The following NUBPL variants were observed in gnomAD, a reference collection of about 807,000 sequenced individuals.
The protein encoded by NUBPL is iron-sulfur cluster transfer protein NUBPL.
In NUBPL, 31 loss-of-function variants were observed where a neutral mutation model predicts 45.7. The ratio of observed to expected loss-of-function variants is 0.68; its 90% CI spans 0.51 to 0.92. The LOEUF is 0.92. NUBPL is among the 40% of genes least tolerant of loss of function. The pLI, the probability that NUBPL is intolerant of heterozygous loss-of-function variation, is 0.00. For synonymous variants in NUBPL, 144 were observed against 140.9 expected (o/e 1.02, Z -0.15); for missense variants, 401 against 398.7 (o/e 1.01, Z -0.05).
At chr14:31,573,639 C>T (rs1209680128) in intron 3 of NUBPL, among the ~76,000 whole-genome samples, 1 of 152,184 alleles carries the variant, frequency 6.6e-6, no homozygotes, top group Non-Finnish European at 1.5e-5. Flanking sequence ...GCTTCTGCCA[C>T]TTAAAGTTTT....
intron 6 of NUBPL, among the ~76,000 whole-genome samples, chr14:31,742,725 C>T (rs934114087): frequency 2.6e-5 from 4 of 151,872 alleles, no homozygotes; most frequent in African/African-American, 7.3e-5. Flanking sequence ...TGCCTCAGCC[C>T]TCCAAGTAGC....
At chr14:31,746,014 A>T (rs761424940) in intron 6 of NUBPL, among the ~76,000 whole-genome samples, 8 of 151,980 alleles carry the variant, frequency 5.3e-5, no homozygotes, top group Admixed American at 1.3e-4. Flanking sequence ...CTCTTAGAAA[A>T]GCTGCCCCTC....
chr14:31,788,005 A>C, intron 7 of NUBPL, 132 bp downstream of exon 7: 1 of 647,036 alleles, frequency 1.5e-6, no homozygotes, highest in Non-Finnish European at 2.8e-6. Context: ...TTTTCATTAG[A>C]GATCAGAAGC....
chr14:31,659,368 G>A (rs961019345), intron 4 of NUBPL, among the ~76,000 whole-genome samples: 1 of 152,140 alleles, frequency 6.6e-6, no homozygotes, highest in African/African-American at 2.4e-5. Flanking sequence ...ATGTTGAAAA[G>A]ATTCTCAGAC....
chr14:31,564,434 A>T (rs939569415), intron 2 of NUBPL, among the ~76,000 whole-genome samples: 2 of 150,992 alleles, frequency 1.3e-5, no homozygotes, highest in Non-Finnish European at 2.9e-5. Flanking sequence ...TCATGCCTGT[A>T]ATGCCAGCAC....
At chr14:31,854,563 T>C (rs2040588260) in intron 10 of NUBPL, among the ~76,000 whole-genome samples, 1 of 152,218 alleles carries the variant, frequency 6.6e-6, no homozygotes, top group Non-Finnish European at 1.5e-5. Flanking sequence ...ATGCTTCCTC[T>C]GTACCAACAA....
At chr14:31,789,195 G>A (rs1397087527) in intron 7 of NUBPL, among the ~76,000 whole-genome samples, 7 of 151,924 alleles carry the variant, frequency 4.6e-5, no homozygotes, top group South Asian at 2.1e-4. Flanking sequence ...GTGTGGTGGC[G>A]GGCACCTGTA....
chr14:31,835,142 G>A (rs1030105743), intron 8 of NUBPL, among the ~76,000 whole-genome samples: 3 of 152,184 alleles, frequency 2.0e-5, no homozygotes, highest in Non-Finnish European at 2.9e-5. Flanking sequence ...CCACGTCCAG[G>A]ATCTAGGAGA....
At chr14:31,756,911 G>A (rs1443275590) in intron 6 of NUBPL, among the ~76,000 whole-genome samples, 9 of 146,950 alleles carry the variant, frequency 6.1e-5, no homozygotes, top group East Asian at 2.0e-4. Context: ...TTAGCATGAA[G>A]GGTTGTTGAA....
At chr14:31,764,263 C>A (rs2038870918) in intron 6 of NUBPL, among the ~76,000 whole-genome samples, 1 of 152,054 alleles carries the variant, frequency 6.6e-6, no homozygotes, top group African/African-American at 2.4e-5. Context: ...TATAATGATG[C>A]TTATGTAAGT....
At chr14:31,816,698 T>C (rs944240649) in intron 7 of NUBPL, among the ~76,000 whole-genome samples, 2 of 152,200 alleles carry the variant, frequency 1.3e-5, no homozygotes, top group African/African-American at 4.8e-5. Flanking sequence ...AACACCACTT[T>C]AGCTGTGTCC....
chr14:31,814,180 A>G (rs1046330064), intron 7 of NUBPL, among the ~76,000 whole-genome samples: 4 of 151,876 alleles, frequency 2.6e-5, no homozygotes, highest in Admixed American at 1.3e-4. Context: ...TTTCTCCACA[A>G]CCTCTCCAGC....
chr14:31,714,711 ACAT>A (rs561096456), intron 6 of NUBPL: 1 of 152,242 alleles, frequency 6.6e-6, no homozygotes, highest in Non-Finnish European at 1.5e-5. Flanking sequence ...ATTGGGAATC[ACAT>A]TTCAGCATGA....
chr14:31,680,519 T>G (rs1378957650), intron 6 of NUBPL, among the ~76,000 whole-genome samples: 1 of 152,122 alleles, frequency 6.6e-6, no homozygotes, highest in African/African-American at 2.4e-5. Context: ...TTTAATTTGG[T>G]TATTTATTCT....
intron 4 of NUBPL, among the ~76,000 whole-genome samples, chr14:31,672,150 T>G (rs530413000): frequency 6.6e-6 from 1 of 152,324 alleles, no homozygotes; most frequent in African/African-American, 2.4e-5. Flanking sequence ...TACAGATTAA[T>G]GCAATTTTTC....
At chr14:31,799,255 A>G (rs1454848781) in intron 7 of NUBPL, among the ~76,000 whole-genome samples, 2 of 152,170 alleles carry the variant, frequency 1.3e-5, no homozygotes, top group African/African-American at 2.4e-5. Flanking sequence ...ATCCTTTTTT[A>G]TAGTGTACAT....
intron 6 of NUBPL, among the ~76,000 whole-genome samples, chr14:31,690,769 T>G (rs2037075093): frequency 6.6e-6 from 1 of 151,736 alleles, no homozygotes; most frequent in African/African-American, 2.4e-5. Flanking sequence ...GGATGAAGGG[T>G]TTCAGATATG....
chr14:31,636,573 T>C (rs972727501), intron 4 of NUBPL, among the ~76,000 whole-genome samples: 2 of 152,090 alleles, frequency 1.3e-5, no homozygotes, highest in African/African-American at 2.4e-5. Context: ...TGTCTCTGCC[T>C]GGCTTTGGTA....
At chr14:31,795,330 C>T (rs1461544019) in intron 7 of NUBPL, among the ~76,000 whole-genome samples, 4 of 122,440 alleles carry the variant, frequency 3.3e-5, no homozygotes, top group Non-Finnish European at 5.0e-5. Context: ...GGCAGTATGG[C>T]CATTTTCACG....
Sources: allele counts gnomAD v4.1 joint callset (sites outside exome capture counted in the v4.1 genomes callset), GRCh38; gene constraint gnomAD v4.1.1; transcripts MANE v1.5; gene names NCBI Gene and HGNC (gene_info 2026-07-23, HGNC 2026-07-21).